The following USP43 variants were observed in gnomAD, a reference collection of about 807,000 sequenced individuals.
USP43 encodes the protein ubiquitin specific peptidase 43.
A neutral mutation model predicts 90.7 loss-of-function variants in USP43; 33 were observed. That is an observed-to-expected ratio of 0.36 (90% CI 0.28 to 0.49). The LOEUF is 0.49. Among genes scored for constraint, USP43 ranks in the 20% least tolerant of loss-of-function variants. USP43 has a pLI of 0.98. For missense variants in USP43, 1,274 were observed against 1,476.4 expected, an observed-to-expected ratio of 0.86 and a Z score of 2.25; for synonymous variants, 598 against 615.8, an observed-to-expected ratio of 0.97 and a Z score of 0.43.
At position 9,709,553 on chromosome 17, in the gene USP43, T is replaced by C. The variant is rs1916066552; in HGVS notation, c.2012-403T>C. Reference sequence around the variant, plus strand: ...CAACATGGTGAAACCCCATCTCTAATAAAAATATAAATATTAGCCGGGTGT... The same window carrying C: ...CAACATGGTGAAACCCCATCTCTAACAAAAATATAAATATTAGCCGGGTGT... On this transcript the variant is annotated intron_variant, in intron 12 of 14. Coordinates refer to ENST00000285199, the MANE Select transcript of USP43 (RefSeq NM_153210.5). The surrounding 1 kb of genome is among the most constrained non-coding windows in gnomAD (Gnocchi z 5.0). 6.6e-6 allele frequency among the ~76,000 whole-genome samples: 1 copy of C among 151,816 alleles called. No individual in the cohort carries two copies. The highest frequency in any genetic ancestry group is 2.1e-4 in the South Asian group (1 of 4,800).
intron 14 of USP43, among the ~76,000 whole-genome samples, chr17:9,726,972 C>CT (rs374029852): frequency 8.5e-4 from 125 of 146,688 alleles, no homozygotes; most frequent in Non-Finnish European, 1.1e-3. Context: ...GAATTTCTTT[C>CT]TTTTTTTTTT....
At chr17:9,697,577 A>G (rs1915349493) in intron 9 of USP43, among the ~76,000 whole-genome samples, 1 of 151,858 alleles carries the variant, frequency 6.6e-6, no homozygotes, top group African/African-American at 2.4e-5. Context: ...AAATGAGGAC[A>G]TGTGGTATTT....
In USP43 at chr17:9,680,323, T is replaced by G; in HGVS notation, c.1062T>G (p.Tyr354Ter). ...CCATCGCAGAGGGAGATAATGTGTATGCCTTTCAAGTTCCTCCCTCACCCA... is the reference window on the plus strand; with the variant it reads ...CCATCGCAGAGGGAGATAATGTGTAGGCCTTTCAAGTTCCTCCCTCACCCA... ...LNTIAEGDNV[Y>*]AFQVPPSPSQ... The change falls in exon 6 of 15, where the codon TAT becomes TAG. Residue 354 changes from tyrosine (Y) to a stop codon, truncating the protein, a stop_gained. Coordinates refer to ENST00000285199, the MANE Select transcript of USP43 (RefSeq NM_153210.5). LOFTEE classifies it high-confidence loss of function. 1 of 1,613,996 alleles carries G rather than the reference T, an allele frequency of 6.2e-7. No homozygotes were observed. Among genetic ancestry groups the G allele is most frequent in the Admixed American group, 1.7e-5 (1 of 60,014 alleles).
At chr17:9,681,818 T>C (rs559969642) in intron 6 of USP43, among the ~76,000 whole-genome samples, 1 of 152,120 alleles carries the variant, frequency 6.6e-6, no homozygotes, top group South Asian at 2.1e-4. Flanking sequence ...TAAAGGACCC[T>C]GTGCCAGTGT....
At chr17:9,706,014 A>T (rs543387528) in intron 12 of USP43, among the ~76,000 whole-genome samples, 1 of 152,308 alleles carries the variant, frequency 6.6e-6, no homozygotes, top group South Asian at 2.1e-4. Context: ...AGAGTGTGTG[A>T]TCACACTTTT....
chr17:9,696,932 T>TTGG (rs1250939356), intron 9 of USP43, among the ~76,000 whole-genome samples: 2 of 152,266 alleles, frequency 1.3e-5, no homozygotes, highest in Non-Finnish European at 2.9e-5. Context: ...CATTAAATTT[T>TTGG]TGGGCCAGGC....
rs553668571 is a variant in USP43, at chr17:9,664,831, G to A, written c.637-1817G>A. Among the ~76,000 whole-genome samples, 7 of 152,188 alleles carry A rather than the reference G, an allele frequency of 4.6e-5. No individual in the cohort carries two copies. In the East Asian group the frequency reaches 1.3e-3, roughly 29 times the overall value. ...TTTTTATATTTTTAGTAGAGGTGGG[G>A]TTTCACCGTGTTAGCCAGGATGGTC... On this transcript the variant is annotated intron_variant, in intron 2 of 14. Transcript: ENST00000285199.
At chr17:9,705,822 A>G (rs1011754217) in intron 12 of USP43, among the ~76,000 whole-genome samples, 4 of 152,068 alleles carry the variant, frequency 2.6e-5, no homozygotes, top group South Asian at 2.1e-4. Context: ...TATTGCTGTG[A>G]TAACCCTTTA....
chr17:9,667,206 ACC>A (rs879829415), intron 3 of USP43, among the ~76,000 whole-genome samples: 2,466 of 151,998 alleles, frequency 0.016, 55 homozygotes, highest in African/African-American at 0.047. Context: ...ACCAAAAAAA[ACC>A]ACAAAAAACA....
At chr17:9,663,683 T>A (rs561073514) in intron 2 of USP43, among the ~76,000 whole-genome samples, 6 of 152,084 alleles carry the variant, frequency 3.9e-5, no homozygotes, top group African/African-American at 1.4e-4. Flanking sequence ...GAGTGCAGTG[T>A]CGCAATCTCG....
In USP43 at chr17:9,710,059, G is replaced by C. The variant is rs772288339; in HGVS notation, c.2115G>C (p.Leu705=). Residue 705 remains leucine (L), a synonymous_variant, in exon 13 of 15, where the codon CTG becomes CTC. Coordinates refer to ENST00000285199, the MANE Select transcript of USP43 (RefSeq NM_153210.5). Reference sequence around the variant, plus strand: ...TCAACACCAGAGGGGCTTATATCCTGTTCTATCAGAAGCGGAACAGCATCC... The same window carrying C: ...TCAACACCAGAGGGGCTTATATCCTCTTCTATCAGAAGCGGAACAGCATCC... The part of the protein sequence containing the change: ...DEVNTRGAYI[L]FYQKRNSIPP... 6.4e-7 allele frequency: 1 copy of C among 1,566,406 alleles called. No individual in the cohort carries two copies. Among genetic ancestry groups the C allele is most frequent in the Non-Finnish European group, 8.7e-7 (1 of 1,156,060 alleles).
chr17:9,689,631 C>T (rs1914809904), intron 8 of USP43, among the ~76,000 whole-genome samples: 2 of 152,222 alleles, frequency 1.3e-5, no homozygotes, highest in African/African-American at 2.4e-5. Context: ...CCAGGTTGGT[C>T]TTGAACTCCT....
In USP43 at chr17:9,712,006, C is replaced by G; in HGVS notation, c.2209C>G (p.Arg737Gly). The change falls in exon 14 of 15, where the codon CGG becomes GGG. Residue 737 changes from arginine to glycine, a missense_variant. Transcript: ENST00000285199. Reference protein sequence around the residue: ...SSSLSDHWLLRLGSHAGSTRG... With the variant: ...SSSLSDHWLLGLGSHAGSTRG... ...CTCCCTGTCTGATCACTGGCTCTTA[C>G]GGCTCGGGAGCCACGCTGGCAGCAC... The G allele has an allele frequency of 1.2e-6, 2 of 1,610,956 alleles. No homozygotes were observed. Among genetic ancestry groups the G allele is most frequent in the Non-Finnish European group, 1.7e-6 (2 of 1,178,684 alleles).
At chr17:9,685,970 G>T (rs977781750) in intron 7 of USP43, among the ~76,000 whole-genome samples, 1 of 152,072 alleles carries the variant, frequency 6.6e-6, no homozygotes, top group South Asian at 2.1e-4. Context: ...CCCCACTGGC[G>T]CCTCCCAGCC....
intron 3 of USP43, among the ~76,000 whole-genome samples, chr17:9,671,811 A>G (rs534554794): frequency 6.6e-6 from 1 of 152,266 alleles, no homozygotes; most frequent in South Asian, 2.1e-4. Flanking sequence ...ATCAGGCCAC[A>G]TAGGGGTATT....
intron 6 of USP43, 106 bp downstream of exon 6, chr17:9,680,472 A>T (rs1351153657): frequency 6.0e-6 from 8 of 1,331,896 alleles, no homozygotes; most frequent in Non-Finnish European, 8.3e-6. Flanking sequence ...TAGCACTTGG[A>T]ACAGTCAGAC....
intron 14 of USP43, among the ~76,000 whole-genome samples, chr17:9,715,064 G>A (rs949853897): frequency 2.0e-4 from 31 of 152,192 alleles, no homozygotes; most frequent in Non-Finnish European, 1.0e-4. Flanking sequence ...GAAGGAAGGC[G>A]GGTTGACAGC....
chr17:9,708,922 C>T (rs1418025703), intron 12 of USP43, among the ~76,000 whole-genome samples: 2 of 152,064 alleles, frequency 1.3e-5, no homozygotes, highest in African/African-American at 2.4e-5. Context: ...CCACCACGCC[C>T]GGCCTGTTTT....
chr17:9,729,473 AC>A lies in USP43; in HGVS notation c.*484del, dbSNP rs1917477061. On this transcript the variant is annotated 3_prime_UTR_variant, in exon 15 of 15. Coordinates refer to ENST00000285199, the MANE Select transcript of USP43 (RefSeq NM_153210.5). ...TAAAGATGCCAAAAAGAAAAAAAAA[AC>A]AAAAGAATGATAGTGATGGTAAGGC... 6.6e-6 allele frequency: 1 copy of A among 151,718 alleles called. No individual in the cohort carries two copies. Among genetic ancestry groups the A allele is most frequent in the Non-Finnish European group, 1.5e-5 (1 of 67,956 alleles). The allele number at this position is 151,718 out of a possible 1,614,324, so 9.4% of individuals were successfully genotyped here. A position where few individuals can be genotyped will look rare whatever the true frequency, so the allele number is the denominator to read the frequency against.
Sources: allele counts gnomAD v4.1 joint callset (sites outside exome capture counted in the v4.1 genomes callset), GRCh38; gene constraint gnomAD v4.1.1; non-coding constraint Gnocchi (gnomAD v3.1); transcripts MANE v1.5; gene names NCBI Gene and HGNC (gene_info 2026-07-23, HGNC 2026-07-21).